PCDHA1: variants seen among roughly 807,000 people sequenced by gnomAD.
PCDHA1 encodes the protein protocadherin alpha-1.
In PCDHA1, 42 loss-of-function variants were observed where a neutral mutation model predicts 61.3. That is an observed-to-expected ratio of 0.69 (90% CI 0.54 to 0.89). The LOEUF (loss-of-function observed/expected upper bound fraction) is 0.89. PCDHA1 is among the 40% of genes least tolerant of loss of function. The probability of loss-of-function intolerance (pLI) is 0.00; values close to 1 mark genes in which losing one functional copy is unlikely to be tolerated. For synonymous variants in PCDHA1, 610 were observed against 553.8 expected (o/e 1.10, Z -1.43); for missense variants, 1,256 against 1,235.3 (o/e 1.02, Z -0.25).
chr5:140,926,767 C>A (rs1323702990), intron 1 of PCDHA1: 1 of 1,359,024 alleles, frequency 7.4e-7, no homozygotes, highest in East Asian at 2.7e-5. Context: ...AGTATCCAGC[C>A]CGCAGCAGTG....
intron 1 of PCDHA1, chr5:140,804,945 T>C: frequency 2.4e-6 from 3 of 1,265,422 alleles, no homozygotes. Flanking sequence ...TGTTGCTCCC[T>C]TGTCCATGAA....
At chr5:140,789,591 C>G (rs1254896967) in intron 1 of PCDHA1, among the ~76,000 whole-genome samples, 2 of 152,110 alleles carry the variant, frequency 1.3e-5, no homozygotes, top group African/African-American at 4.8e-5. Context: ...ATGCCATTAA[C>G]CTTGAATTCC....
At chr5:140,970,252 T>G (rs2096392828) in intron 1 of PCDHA1, among the ~76,000 whole-genome samples, 1 of 152,234 alleles carries the variant, frequency 6.6e-6, no homozygotes, top group South Asian at 2.1e-4. Flanking sequence ...GTTGACAGTT[T>G]CTATGGTTTT....
At chr5:140,829,851 C>T (rs2150176180) in intron 1 of PCDHA1, 2 of 1,613,942 alleles carry the variant, frequency 1.2e-6, no homozygotes, top group Non-Finnish European at 1.7e-6. Flanking sequence ...TCACTGGGTG[C>T]AGGCCAAGTG....
At chr5:140,796,452 G>A (rs1554119901) in intron 1 of PCDHA1, 1 of 1,612,958 alleles carries the variant, frequency 6.2e-7, no homozygotes, top group Non-Finnish European at 8.5e-7. Flanking sequence ...CGCTGGTGGA[G>A]CGGCGGGTGG....
intron 1 of PCDHA1, chr5:140,843,190 C>G (rs2150354954): frequency 1.3e-6 from 2 of 1,595,984 alleles, no homozygotes; most frequent in South Asian, 1.1e-5. Context: ...TCCCGTTCCG[C>G]GTGGGGCTGT....
chr5:140,931,914 A>G (rs1374173998), intron 1 of PCDHA1, among the ~76,000 whole-genome samples: 2 of 151,960 alleles, frequency 1.3e-5, no homozygotes, highest in Non-Finnish European at 2.9e-5. Context: ...AAAGCATGAC[A>G]TTTAACAATG....
chr5:140,835,773 G>T (rs2150244448), intron 1 of PCDHA1: 8 of 1,613,392 alleles, frequency 5.0e-6, no homozygotes, highest in Non-Finnish European at 6.8e-6. Context: ...TACGGTGTTC[G>T]TGAAGGAGAA....
intron 1 of PCDHA1, chr5:140,928,283 T>C (rs782493603): frequency 4.3e-6 from 7 of 1,614,178 alleles, no homozygotes; most frequent in Non-Finnish European, 5.1e-6. Flanking sequence ...GGGGCCTCTC[T>C]AGGCCGAGTG....
At chr5:140,893,575 T>C (rs930167579) in intron 1 of PCDHA1, among the ~76,000 whole-genome samples, 6 of 152,220 alleles carry the variant, frequency 3.9e-5, no homozygotes, top group Non-Finnish European at 7.3e-5. Flanking sequence ...CCTCAGTTTT[T>C]GCTTGTTTGG....
chr5:140,966,529 G>C (rs1382443921), intron 1 of PCDHA1: 5 of 446,974 alleles, frequency 1.1e-5, no homozygotes, highest in Non-Finnish European at 1.9e-5. Flanking sequence ...GCCGAGCCGG[G>C]TTGAGCGACT....
At chr5:140,881,377 G>A (rs557722479) in intron 1 of PCDHA1, 222 of 984,702 alleles carry the variant, frequency 2.3e-4, no homozygotes, top group Non-Finnish European at 2.4e-4. Flanking sequence ...AATTGCAGCC[G>A]GCGGCGGTAA....
At chr5:140,876,033 T>A in intron 1 of PCDHA1, 1 of 1,613,668 alleles carries the variant, frequency 6.2e-7, no homozygotes, top group South Asian at 1.1e-5. Context: ...CAAAAAAAGA[T>A]AAAAGTATAT....
At chr5:140,986,668 A>C (rs927109652) in intron 3 of PCDHA1, among the ~76,000 whole-genome samples, 15 of 152,192 alleles carry the variant, frequency 9.9e-5, no homozygotes, top group African/African-American at 3.6e-4. Context: ...CACAGTTTTC[A>C]GAAGAGTTCA....
At chr5:140,911,189 A>T (rs1369810973) in intron 1 of PCDHA1, among the ~76,000 whole-genome samples, 1 of 152,126 alleles carries the variant, frequency 6.6e-6, no homozygotes, top group African/African-American at 2.4e-5. Flanking sequence ...TGGGTTGGGG[A>T]GGACATGTTG....
chr5:140,963,032 T>C (rs541613535), intron 1 of PCDHA1, among the ~76,000 whole-genome samples: 8 of 152,290 alleles, frequency 5.3e-5, no homozygotes, highest in African/African-American at 1.9e-4. Context: ...CAATTAACAT[T>C]TATTGAGAGT....
At position 140,835,855 on chromosome 5, in the gene PCDHA1, C is replaced by T. The variant is rs2150246728; in HGVS notation, c.2394+47171C>T. On this transcript the variant is annotated intron_variant, in intron 1 of 3. Coordinates refer to ENST00000504120, the MANE Select transcript of PCDHA1 (RefSeq NM_018900.4). ...GACGCGCAGAAGAACGCGCTGGTGT[C>T]CTACTCGCTGGTGGAGCTGCGGGTG... 9.9e-6 allele frequency: 16 copies of T among 1,612,246 alleles called. 1 individual carries two copies. In the East Asian group the frequency reaches 3.6e-4, roughly 36 times the overall value.
chr5:140,969,803 T>G, intron 1 of PCDHA1, among the ~76,000 whole-genome samples: 1 of 152,248 alleles, frequency 6.6e-6, no homozygotes, highest in South Asian at 2.1e-4. Context: ...ATCTGCTGTC[T>G]CTGTTTATAC....
rs782673373 is a variant in PCDHA1 at position 140,858,110 on chromosome 5, G to A, written c.2394+69426G>A. On this transcript the variant is annotated intron_variant, in intron 1 of 3. Transcript: ENST00000504120. ...GCGGGCTTCAGTGGGCGTGGCGCCC[G>A]AGGTGGCCCTGGTGGATGTCAACGT... 5.6e-6 allele frequency: 9 copies of A among 1,597,760 alleles called. 1 individual carries two copies. The highest frequency in any genetic ancestry group is 3.4e-5 in the Admixed American group (2 of 59,350).
Sources: gnomAD v4.1 joint callset for allele counts (sites outside exome capture counted in the v4.1 genomes callset) on GRCh38, gnomAD v4.1.1 for gene constraint, MANE v1.5 for transcripts, NCBI Gene and HGNC (gene_info 2026-07-23, HGNC 2026-07-21) for gene names.